Variants in ZNF804A observed in about 807,000 individuals in gnomAD.
ZNF804A encodes the protein zinc finger protein 804A.
Under a neutral mutation model 16.5 loss-of-function variants are expected in ZNF804A, and 2 were observed. The observed-to-expected ratio is 0.12, with a 90% confidence interval of 0.05 to 0.38. The LOEUF is 0.38. Ranked by LOEUF, ZNF804A falls within the 10% of genes least tolerant of loss-of-function variation. ZNF804A has a pLI of 0.99. For synonymous variants in ZNF804A, 534 were observed against 489.6 expected (o/e 1.09, Z -1.20); for missense variants, 1,473 against 1,390.7 (o/e 1.06, Z -0.94).
At chr2:184,838,794 G>A (rs911786058) in intron 1 of ZNF804A, among the ~76,000 whole-genome samples, 1 of 151,086 alleles carries the variant, frequency 6.6e-6, no homozygotes, top group Admixed American at 6.6e-5. Context: ...CTATACTATA[G>A]AAAAAAAAAT....
intron 2 of ZNF804A, among the ~76,000 whole-genome samples, chr2:184,868,671 G>C (rs16826235): frequency 0.039 from 5,958 of 152,046 alleles, 377 homozygotes; most frequent in African/African-American, 0.13. Flanking sequence ...TGTGACAATT[G>C]AGAGTATGGA....
intron 2 of ZNF804A, among the ~76,000 whole-genome samples, chr2:184,880,486 G>A (rs1335753802): frequency 1.3e-5 from 2 of 151,844 alleles, no homozygotes; most frequent in Non-Finnish European, 2.9e-5. Context: ...AATTAGACTT[G>A]GGAGAAGTTA....
chr2:184,650,522 C>T (rs961893678), intron 1 of ZNF804A, among the ~76,000 whole-genome samples: 1 of 152,028 alleles, frequency 6.6e-6, no homozygotes, highest in African/African-American at 2.4e-5. Flanking sequence ...GCTAAGCTGT[C>T]TCACTTCACG....
chr2:184,623,790 A>G (rs575564583), intron 1 of ZNF804A, among the ~76,000 whole-genome samples: 28 of 152,228 alleles, frequency 1.8e-4, no homozygotes, highest in Non-Finnish European at 7.4e-5. Flanking sequence ...CAACTTCCCC[A>G]CATGCAATAT....
chr2:184,805,809 G>A (rs963155795), intron 1 of ZNF804A, among the ~76,000 whole-genome samples: 2 of 151,884 alleles, frequency 1.3e-5, no homozygotes, highest in Non-Finnish European at 1.5e-5. Context: ...GAAAAATACT[G>A]GGTTATTAAG....
intron 1 of ZNF804A, among the ~76,000 whole-genome samples, chr2:184,728,858 A>G (rs1456245384): frequency 6.6e-6 from 1 of 151,936 alleles, no homozygotes; most frequent in Admixed American, 6.6e-5. Context: ...CTATTTGGCT[A>G]TTTTAAAAAA....
intron 1 of ZNF804A, among the ~76,000 whole-genome samples, chr2:184,801,633 A>T (rs1694728589): frequency 6.6e-6 from 1 of 152,106 alleles, no homozygotes; most frequent in Non-Finnish European, 1.5e-5. Flanking sequence ...GACTTCATTC[A>T]TTTCCTTTTG....
chr2:184,683,235 A>G (rs6723680), intron 1 of ZNF804A, among the ~76,000 whole-genome samples: 47,894 of 152,018 alleles, frequency 0.32, 9,865 homozygotes, highest in African/African-American at 0.58. Flanking sequence ...TTTTAAACCC[A>G]CATTATTATT....
In ZNF804A at chr2:184,880,463, T is replaced by A. The variant is rs568222543; in HGVS notation, c.255+13951T>A. Among the ~76,000 whole-genome samples the A allele has an allele frequency of 3.4e-3, 514 of 151,724 alleles. 1 individual carries two copies. Among genetic ancestry groups the A allele is most frequent in the Non-Finnish European group, 5.9e-3 (399 of 67,752 alleles). On this transcript the variant is annotated intron_variant, in intron 2 of 3. Coordinates refer to ENST00000302277, the MANE Select transcript of ZNF804A (RefSeq NM_194250.2). ...TTCAAGCTTCTATTGTTAAGACACA[T>A]TTTTTAAAAAAAAATTAGACTTGGG...
At chr2:184,702,161 A>C (rs1292117235) in intron 1 of ZNF804A, among the ~76,000 whole-genome samples, 3 of 152,018 alleles carry the variant, frequency 2.0e-5, no homozygotes, top group Non-Finnish European at 4.4e-5. Flanking sequence ...TAAGAATTAA[A>C]AGTCTGTGTG....
chr2:184,636,916 C>G (rs945588526), intron 1 of ZNF804A, among the ~76,000 whole-genome samples: 2 of 152,040 alleles, frequency 1.3e-5, no homozygotes, highest in African/African-American at 4.8e-5. Context: ...CCAGGTATTA[C>G]TTTTTAAAAT....
chr2:184,751,690 G>C (rs1693880085), intron 1 of ZNF804A, among the ~76,000 whole-genome samples: 1 of 151,682 alleles, frequency 6.6e-6, no homozygotes, highest in South Asian at 2.1e-4. Context: ...AGAGTAAACA[G>C]ACAACCATTG....
intron 1 of ZNF804A, among the ~76,000 whole-genome samples, chr2:184,790,883 G>A (rs1412727242): frequency 6.6e-6 from 1 of 152,140 alleles, no homozygotes; most frequent in East Asian, 1.9e-4. Context: ...GATTATAGGC[G>A]TGAGCCACTG....
chr2:184,872,870 A>T (rs954121387), intron 2 of ZNF804A, among the ~76,000 whole-genome samples: 6 of 152,190 alleles, frequency 3.9e-5, no homozygotes, highest in Non-Finnish European at 5.9e-5. Context: ...CATTCTGAAG[A>T]TGTGTTTTGT....
At chr2:184,816,486 C>A (rs1429961681) in intron 1 of ZNF804A, among the ~76,000 whole-genome samples, 1 of 152,026 alleles carries the variant, frequency 6.6e-6, no homozygotes, top group Non-Finnish European at 1.5e-5. Context: ...AGTTCTAACT[C>A]TTAAGCTCAG....
chr2:184,853,658 G>T (rs1695640482), intron 1 of ZNF804A, among the ~76,000 whole-genome samples: 1 of 151,646 alleles, frequency 6.6e-6, no homozygotes, highest in African/African-American at 2.4e-5. Context: ...TGATCATACG[G>T]TTTTTGACCT....
intron 1 of ZNF804A, among the ~76,000 whole-genome samples, chr2:184,830,969 A>C (rs1695254301): frequency 6.6e-6 from 1 of 152,144 alleles, no homozygotes; most frequent in Non-Finnish European, 1.5e-5. Context: ...GAGGGTAAAG[A>C]AGCAAAAATA....
chr2:184,656,413 G>C (rs1031244878), intron 1 of ZNF804A, among the ~76,000 whole-genome samples: 6 of 152,206 alleles, frequency 3.9e-5, no homozygotes, highest in South Asian at 2.1e-4. Flanking sequence ...AGGAAAATCT[G>C]AGGAGTATTT....
At position 184,889,329 on chromosome 2, in the gene ZNF804A, G is replaced by A. The variant is rs114886928; in HGVS notation, c.255+22817G>A. 2.4e-3 allele frequency among the ~76,000 whole-genome samples: 356 copies of A among 151,266 alleles called. 1 individual carries two copies. The highest frequency in any genetic ancestry group is 7.8e-3 in the African/African-American group (325 of 41,430). Reference sequence around the variant, plus strand: ...TTTTTCTTTGTTTTATAAAATGTACGATAATCTAATTGAGACCTGATGTAC... The same window carrying A: ...TTTTTCTTTGTTTTATAAAATGTACAATAATCTAATTGAGACCTGATGTAC... On this transcript the variant is annotated intron_variant, in intron 2 of 3. Transcript: ENST00000302277.
Sources: allele counts gnomAD v4.1 joint callset (sites outside exome capture counted in the v4.1 genomes callset), GRCh38; gene constraint gnomAD v4.1.1; transcripts MANE v1.5; gene names NCBI Gene and HGNC (gene_info 2026-07-23, HGNC 2026-07-21).